The following FOXN3 variants were observed in gnomAD, a reference collection of about 807,000 sequenced individuals.
The protein encoded by FOXN3 is forkhead box N3.
A neutral mutation model predicts 38.4 loss-of-function variants in FOXN3; 7 were observed. The observed-to-expected ratio is 0.18, with a 90% CI of 0.10 to 0.34. FOXN3 has a LOEUF of 0.34. Ranked by LOEUF, FOXN3 falls within the 10% of genes least tolerant of loss-of-function variation. The pLI is 1.00. For missense variants in FOXN3, 456 were observed against 613.4 expected (o/e 0.74, Z 2.71); for synonymous variants, 230 against 242.2 (o/e 0.95, Z 0.47).
intron 4 of FOXN3, among the ~76,000 whole-genome samples, chr14:89,252,879 T>C (rs1885501872): frequency 6.6e-6 from 1 of 152,088 alleles, no homozygotes; most frequent in African/African-American, 2.4e-5. Flanking sequence ...TTCAACTGAG[T>C]GTGTGCACAA....
At chr14:89,176,928 AAG>A (rs2139790803) in intron 5 of FOXN3, among the ~76,000 whole-genome samples, 1 of 152,140 alleles carries the variant, frequency 6.6e-6, no homozygotes, top group South Asian at 2.1e-4. Flanking sequence ...TGAGGGGGGC[AAG>A]TTCAGAATTG....
intron 4 of FOXN3, among the ~76,000 whole-genome samples, chr14:89,191,948 GTATATATATATATACACATA>G (rs1437905826): frequency 8.5e-6 from 1 of 117,966 alleles, no homozygotes; most frequent in Non-Finnish European, 1.6e-5. Context: ...ACTGATATTA[GTATATATATATATACACATA>G]TATATAACTA....
At chr14:89,299,683 G>T (rs888530931) in intron 3 of FOXN3, among the ~76,000 whole-genome samples, 4 of 152,192 alleles carry the variant, frequency 2.6e-5, no homozygotes, top group African/African-American at 9.7e-5. Flanking sequence ...CCCCAGAGAG[G>T]GACCAGGTGG....
chr14:89,261,269 G>C (rs1423367687), intron 4 of FOXN3, among the ~76,000 whole-genome samples: 2 of 152,174 alleles, frequency 1.3e-5, no homozygotes, highest in African/African-American at 2.4e-5. Context: ...CACCACTGAA[G>C]TCTTTCCTGA....
intron 1 of FOXN3, among the ~76,000 whole-genome samples, chr14:89,596,931 T>C (rs963479944): frequency 6.6e-6 from 1 of 152,300 alleles, no homozygotes; most frequent in Non-Finnish European, 1.5e-5. Flanking sequence ...ATTTTATTAG[T>C]CCTTTGGCTC....
At chr14:89,442,781 C>T (rs1490772235) in intron 1 of FOXN3, among the ~76,000 whole-genome samples, 1 of 152,066 alleles carries the variant, frequency 6.6e-6, no homozygotes, top group Non-Finnish European at 1.5e-5. Context: ...TCCAACCAGC[C>T]AGTCTTTCCC....
At chr14:89,318,144 C>T in intron 3 of FOXN3, among the ~76,000 whole-genome samples, 1 of 138,454 alleles carries the variant, frequency 7.2e-6, no homozygotes, top group African/African-American at 2.8e-5. Flanking sequence ...TTTTTCTTTT[C>T]TTTCTTCTTC....
At chr14:89,570,013 T>G (rs1402395472) in intron 1 of FOXN3, among the ~76,000 whole-genome samples, 1 of 151,856 alleles carries the variant, frequency 6.6e-6, no homozygotes, top group Non-Finnish European at 1.5e-5. Flanking sequence ...GTTTTTTTTT[T>G]TTTTTGAGAC....
intron 4 of FOXN3, among the ~76,000 whole-genome samples, chr14:89,206,536 C>A (rs1888390780): frequency 6.6e-6 from 1 of 152,138 alleles, no homozygotes; most frequent in African/African-American, 2.4e-5. Flanking sequence ...GTTTCCGTTC[C>A]CAGTGGGGCG....
At chr14:89,552,732 G>A (rs1318371318) in intron 1 of FOXN3, among the ~76,000 whole-genome samples, 3 of 152,208 alleles carry the variant, frequency 2.0e-5, no homozygotes, top group Non-Finnish European at 4.4e-5. Context: ...GGTGGCATGT[G>A]CCTGTAATCC....
intron 5 of FOXN3, among the ~76,000 whole-genome samples, chr14:89,174,483 A>G (rs563038763): frequency 9.8e-5 from 15 of 152,306 alleles, no homozygotes; most frequent in African/African-American, 3.6e-4. Flanking sequence ...ATCACACAAC[A>G]CAAATAGGAG....
chr14:89,277,429 G>C lies in FOXN3; in HGVS notation c.745+3521C>G, dbSNP rs1596148324. Among the ~76,000 whole-genome samples the C allele has an allele frequency of 3.3e-5, 5 of 152,286 alleles. No homozygotes were observed. The South Asian group carries it at 1.0e-3, about 32-fold the overall frequency. On this transcript the variant is annotated intron_variant, in intron 4 of 5. Transcript: ENST00000557258. ...GAATTGAAGTGCTCTCTAGCCTGCT[G>C]AAACTGTCTGTAGCAGCCTAAATGG...
chr14:89,278,278 C>T (rs1886358133), intron 4 of FOXN3, among the ~76,000 whole-genome samples: 1 of 152,120 alleles, frequency 6.6e-6, no homozygotes, highest in African/African-American at 2.4e-5. Flanking sequence ...ACCATCAGAT[C>T]TCGTGAGACT....
chr14:89,447,814 CTT>C (rs3057950), intron 1 of FOXN3, among the ~76,000 whole-genome samples: 32 of 92,792 alleles, frequency 3.4e-4, no homozygotes, highest in African/African-American at 1.3e-3. Context: ...GCCTTTCTTC[CTT>C]TTTTTTTTTT....
intron 4 of FOXN3, among the ~76,000 whole-genome samples, chr14:89,260,869 A>G (rs562323262): frequency 2.6e-5 from 4 of 152,354 alleles, no homozygotes; most frequent in Non-Finnish European, 5.9e-5. Flanking sequence ...TCTTTTATGT[A>G]TTTTAGTTGT....
chr14:89,404,305 C>G (rs138611514), intron 2 of FOXN3, among the ~76,000 whole-genome samples: 2 of 151,494 alleles, frequency 1.3e-5, no homozygotes, highest in Non-Finnish European at 2.9e-5. Context: ...GTCAGGAGTT[C>G]GAGACCAGCC....
intron 1 of FOXN3, among the ~76,000 whole-genome samples, chr14:89,464,336 C>A (rs912629536): frequency 6.6e-5 from 10 of 152,144 alleles, no homozygotes; most frequent in African/African-American, 1.9e-4. Context: ...TTGGAGATAG[C>A]CTTCCCCTGA....
intron 4 of FOXN3, among the ~76,000 whole-genome samples, chr14:89,226,877 C>G (rs117923657): frequency 0.017 from 2,539 of 152,274 alleles, 30 homozygotes; most frequent in Middle Eastern, 0.044. Flanking sequence ...ACCAAAACCT[C>G]AGAGAGAGAC....
chr14:89,313,596 G>GT (rs1555417111), intron 3 of FOXN3, among the ~76,000 whole-genome samples: 3 of 150,828 alleles, frequency 2.0e-5, no homozygotes, highest in East Asian at 3.9e-4. Context: ...CGAAGTCCAT[G>GT]TATACTACTG....
Sources: gnomAD v4.1 joint callset for allele counts (sites outside exome capture counted in the v4.1 genomes callset) on GRCh38, gnomAD v4.1.1 for gene constraint, MANE v1.5 for transcripts, NCBI Gene and HGNC (gene_info 2026-07-23, HGNC 2026-07-21) for gene names.